Variants in FSTL5 observed in about 807,000 individuals in gnomAD.
FSTL5 encodes follistatin like 5, also known as follistatin-related protein 5.
A neutral mutation model predicts 89.1 loss-of-function variants in FSTL5; 62 were observed. That is an observed-to-expected ratio of 0.70 (90% CI 0.57 to 0.86). The LOEUF (loss-of-function observed/expected upper bound fraction) is 0.86, where lower values mean the gene tolerates loss of function less well. FSTL5 is among the 40% of genes least tolerant of loss of function. The pLI is 0.00. For synonymous variants in FSTL5, 383 were observed against 346.2 expected (o/e 1.11, Z -1.18); for missense variants, 1,057 against 1,001.6 (o/e 1.06, Z -0.75).
chr4:161,544,075 AAT>A (rs1366738217), intron 8 of FSTL5, among the ~76,000 whole-genome samples: 1 of 152,162 alleles, frequency 6.6e-6, no homozygotes, highest in African/African-American at 2.4e-5. Context: ...GAAAAAATTG[AAT>A]AGTCATTTCT....
At chr4:161,828,946 G>T (rs1248447287) in intron 4 of FSTL5, among the ~76,000 whole-genome samples, 1 of 151,700 alleles carries the variant, frequency 6.6e-6, no homozygotes, top group Non-Finnish European at 1.5e-5. Context: ...TTTTTCCAAG[G>T]CTATGGTAGT....
chr4:162,146,693 CCCTT>C (rs1733004332), intron 1 of FSTL5, among the ~76,000 whole-genome samples: 11 of 77,468 alleles, frequency 1.4e-4, no homozygotes, highest in Non-Finnish European at 2.1e-4. Flanking sequence ...CCCTTCCCTT[CCCTT>C]CCCTTCCCTT....
chr4:161,566,163 T>A (rs1459570976), intron 8 of FSTL5, among the ~76,000 whole-genome samples: 5 of 132,674 alleles, frequency 3.8e-5, no homozygotes, highest in Non-Finnish European at 7.9e-5. Context: ...CACCGTGGAA[T>A]GCTCCTCAGC....
At chr4:161,681,886 T>A (rs945055415) in intron 6 of FSTL5, among the ~76,000 whole-genome samples, 1 of 152,164 alleles carries the variant, frequency 6.6e-6, no homozygotes, top group African/African-American at 2.4e-5. Flanking sequence ...GATACTTTCT[T>A]AGAAATGCAA....
At chr4:161,783,807 G>A (rs1310220670) in intron 4 of FSTL5, among the ~76,000 whole-genome samples, 1 of 144,918 alleles carries the variant, frequency 6.9e-6, no homozygotes, top group Non-Finnish European at 1.5e-5. Context: ...ACCCAGGCTG[G>A]AGGGCAGTGG....
At chr4:161,611,231 CATATATATATATATATATAT>C (rs70937667) in intron 7 of FSTL5, among the ~76,000 whole-genome samples, 22 of 128,484 alleles carry the variant, frequency 1.7e-4, no homozygotes, top group Non-Finnish European at 2.3e-4. Flanking sequence ...TATGTGTATA[CATATATATATATATATATAT>C]ATATATATAT....
intron 7 of FSTL5, among the ~76,000 whole-genome samples, chr4:161,635,267 T>C (rs1462414140): frequency 6.6e-6 from 1 of 152,066 alleles, no homozygotes; most frequent in Middle Eastern, 3.2e-3. Flanking sequence ...CAGGCGCCTG[T>C]AATCCCAGTT....
chr4:161,704,771 G>C (rs1453400984), intron 6 of FSTL5, among the ~76,000 whole-genome samples: 1 of 152,030 alleles, frequency 6.6e-6, no homozygotes, highest in East Asian at 1.9e-4. Context: ...CTACTTCCTA[G>C]AAGGGACTGT....
At chr4:161,831,003 C>G (rs532761050) in intron 4 of FSTL5, among the ~76,000 whole-genome samples, 31 of 151,978 alleles carry the variant, frequency 2.0e-4, no homozygotes, top group Admixed American at 6.6e-4. Context: ...AATCACAACT[C>G]AAATGTTCTC....
At chr4:161,698,491 A>C (rs1293072202) in intron 6 of FSTL5, among the ~76,000 whole-genome samples, 25 of 152,200 alleles carry the variant, frequency 1.6e-4, no homozygotes, top group Admixed American at 1.6e-3. Context: ...TGTATTCTTG[A>C]AAAATGCTGA....
intron 6 of FSTL5, among the ~76,000 whole-genome samples, chr4:161,683,954 A>G (rs1171088863): frequency 6.6e-6 from 1 of 152,074 alleles, no homozygotes; most frequent in Non-Finnish European, 1.5e-5. Context: ...ATGCCTTTGC[A>G]TCCTCATAGC....
intron 8 of FSTL5, among the ~76,000 whole-genome samples, chr4:161,576,973 A>C (rs1054007957): frequency 2.6e-5 from 4 of 152,226 alleles, no homozygotes; most frequent in Non-Finnish European, 4.4e-5. Flanking sequence ...TGACAAAATT[A>C]ACATTTTTAT....
chr4:161,593,859 C>T (rs778785876), intron 7 of FSTL5, among the ~76,000 whole-genome samples: 7 of 152,052 alleles, frequency 4.6e-5, no homozygotes, highest in Middle Eastern at 3.2e-3. Flanking sequence ...AACTCCATAA[C>T]ATAACTCCAG....
Position 161,656,505 on chromosome 4 carries a change from G to A in FSTL5, c.728-11C>T, listed in dbSNP as rs1736524107. On this transcript the variant is annotated splice_polypyrimidine_tract_variant and intron_variant, in intron 6 of 15. Transcript: ENST00000306100. ...TCAACTGGATCACTTCTGTAAAGAT[G>A]AAGTGTCAGTAATGTTGATGAGCAT... 4.0e-6 allele frequency: 6 copies of A among 1,518,420 alleles called. No homozygotes were observed. In the East Asian group the frequency reaches 1.5e-4, roughly 37 times the overall value. The allele number at this position is 1,518,420 out of a possible 1,614,324, so 94.1% of individuals were successfully genotyped here. A position where few individuals can be genotyped will look rare whatever the true frequency, so the allele number is the denominator to read the frequency against.
At chr4:162,024,591 TTTAAA>T (rs535968363) in intron 3 of FSTL5, among the ~76,000 whole-genome samples, 3 of 152,178 alleles carry the variant, frequency 2.0e-5, no homozygotes, top group Non-Finnish European at 4.4e-5. Flanking sequence ...CAATCAATAG[TTTAAA>T]TTAAGTAATT....
chr4:162,073,170 C>T (rs1479509447), intron 2 of FSTL5, among the ~76,000 whole-genome samples: 1 of 151,678 alleles, frequency 6.6e-6, no homozygotes, highest in Non-Finnish European at 1.5e-5. Flanking sequence ...CACATATAAA[C>T]ATACATATTA....
intron 6 of FSTL5, among the ~76,000 whole-genome samples, chr4:161,675,284 T>C (rs1737263194): frequency 6.7e-6 from 1 of 150,070 alleles, no homozygotes; most frequent in African/African-American, 2.4e-5. Context: ...TTATTTTATC[T>C]TTGAATTTGG....
chr4:162,091,377 T>C (rs1482051229), intron 2 of FSTL5, among the ~76,000 whole-genome samples: 1 of 152,176 alleles, frequency 6.6e-6, no homozygotes, highest in East Asian at 1.9e-4. Flanking sequence ...GGCATCTCAC[T>C]TCATAATCTT....
At chr4:161,529,126 C>T (rs28465555) in intron 10 of FSTL5, among the ~76,000 whole-genome samples, 4,433 of 142,312 alleles carry the variant, frequency 0.031, 603 homozygotes, top group African/African-American at 0.1. Context: ...ATAAAGATGC[C>T]CAGTAGTTTA....
Sources: allele counts gnomAD v4.1 joint callset (sites outside exome capture counted in the v4.1 genomes callset), GRCh38; gene constraint gnomAD v4.1.1; transcripts MANE v1.5; gene names NCBI Gene and HGNC (gene_info 2026-07-23, HGNC 2026-07-21).